CALCRL: variants seen among roughly 807,000 people sequenced by gnomAD.
CALCRL encodes calcitonin gene-related peptide type 1 receptor.
A neutral mutation model predicts 60.4 loss-of-function variants in CALCRL; 27 were observed. The ratio of observed to expected loss-of-function variants is 0.45; its 90% CI spans 0.33 to 0.62. The LOEUF is 0.62. Among genes scored for constraint, CALCRL ranks in the 20% least tolerant of loss-of-function variants. The pLI, the probability that CALCRL is intolerant of heterozygous loss-of-function variation, is 0.03. For missense variants in CALCRL, 424 were observed against 540.7 expected, an observed-to-expected ratio of 0.78 and a Z score of 2.14; for synonymous variants, 190 against 182.6, an observed-to-expected ratio of 1.04 and a Z score of -0.33.
chr2:187,399,469 A>G (rs1470006117), intron 1 of CALCRL, among the ~76,000 whole-genome samples: 1 of 151,544 alleles, frequency 6.6e-6, no homozygotes, highest in Non-Finnish European at 1.5e-5. Flanking sequence ...AGGACATTGA[A>G]AGCAAAAGTG....
chr2:187,367,231 A>C (rs531766378), intron 8 of CALCRL, among the ~76,000 whole-genome samples: 1 of 152,210 alleles, frequency 6.6e-6, no homozygotes, highest in South Asian at 2.1e-4. Flanking sequence ...CAAACCAAAG[A>C]CTGCTGCTTT....
intron 9 of CALCRL, among the ~76,000 whole-genome samples, chr2:187,362,950 G>T (rs1372484470): frequency 1.3e-5 from 2 of 151,892 alleles, no homozygotes; most frequent in Non-Finnish European, 2.9e-5. Context: ...ACTATTTTTC[G>T]AATTACGCAG....
At chr2:187,399,622 T>C (rs375486203) in intron 1 of CALCRL, among the ~76,000 whole-genome samples, 1 of 151,584 alleles carries the variant, frequency 6.6e-6, no homozygotes, top group African/African-American at 2.4e-5. Flanking sequence ...AGCTAGAATA[T>C]ACAAATAAAG....
intron 1 of CALCRL, among the ~76,000 whole-genome samples, chr2:187,395,968 T>TGTATA (rs1688632579): frequency 6.6e-6 from 1 of 151,828 alleles, no homozygotes; most frequent in Non-Finnish European, 1.5e-5. Context: ...CAGTTTTTAC[T>TGTATA]CCTAGTAACC....
chr2:187,353,767 G>T (rs1478883536), intron 12 of CALCRL, among the ~76,000 whole-genome samples: 1 of 151,766 alleles, frequency 6.6e-6, no homozygotes, highest in African/African-American at 2.4e-5. Context: ...AGATAATAAT[G>T]CTCTTTTATC....
At chr2:187,444,704 T>C (rs185419264) in intron 1 of CALCRL, among the ~76,000 whole-genome samples, 3 of 151,660 alleles carry the variant, frequency 2.0e-5, no homozygotes, top group Admixed American at 2.0e-4. Context: ...GATACTATTT[T>C]ATATTTTTGT....
At chr2:187,404,504 ATT>A (rs954080668) in intron 1 of CALCRL, among the ~76,000 whole-genome samples, 8 of 145,378 alleles carry the variant, frequency 5.5e-5, no homozygotes, top group African/African-American at 1.2e-4. Flanking sequence ...ACTTTTATTT[ATT>A]TTTTTTTTTT....
chr2:187,434,159 A>G (rs1045875024), intron 1 of CALCRL, among the ~76,000 whole-genome samples: 5 of 152,124 alleles, frequency 3.3e-5, no homozygotes, highest in Non-Finnish European at 5.9e-5. Context: ...GACATTTTCT[A>G]TCTGTGTTCT....
chr2:187,383,363 T>G (rs1364023029), intron 4 of CALCRL, 58 bp from the exon 5 acceptor site: 6 of 1,451,452 alleles, frequency 4.1e-6, no homozygotes, highest in Non-Finnish European at 5.6e-6. Flanking sequence ...GAAAATGTGT[T>G]TGTCAAAGGC....
At chr2:187,361,843 A>C (rs939282247) in intron 9 of CALCRL, among the ~76,000 whole-genome samples, 1 of 151,936 alleles carries the variant, frequency 6.6e-6, no homozygotes. Context: ...ATGCCTCCTA[A>C]CTAAAGGATA....
intron 8 of CALCRL, among the ~76,000 whole-genome samples, chr2:187,368,126 G>A (rs1236020871): frequency 1.3e-5 from 2 of 151,848 alleles, no homozygotes. Context: ...CTGTAATTTA[G>A]GGCTAACAAT....
chr2:187,405,981 G>T (rs1689106636), intron 1 of CALCRL, among the ~76,000 whole-genome samples: 1 of 151,596 alleles, frequency 6.6e-6, no homozygotes, highest in Admixed American at 6.6e-5. Context: ...GTGTGTGTGT[G>T]TGTGTGTGTG....
chr2:187,366,918 CCCCACACACACA>C lies in CALCRL; in HGVS notation c.501-3428_501-3417del, dbSNP rs1172849765. ...AAAAATGTCATTATTGTGAGTATAACCCCACACACACACACACACACACACACACACACACAC... is the reference window on the plus strand; with the variant it reads ...AAAAATGTCATTATTGTGAGTATAACCACACACACACACACACACACACAC... On this transcript the variant is annotated intron_variant, in intron 8 of 14. Coordinates refer to ENST00000392370, the MANE Select transcript of CALCRL (RefSeq NM_005795.6). 2.2e-3 allele frequency among the ~76,000 whole-genome samples: 184 copies of C among 84,600 alleles called. 1 individual carries two copies. Among genetic ancestry groups the C allele is most frequent in the Admixed American group, 6.9e-3 (60 of 8,718 alleles). The allele number at this position is 84,600 out of a possible 152,430, so 55.5% of individuals were successfully genotyped here.
intron 1 of CALCRL, chr2:187,431,154 C>T (rs1690388056): frequency 6.5e-6 from 1 of 153,770 alleles, no homozygotes; most frequent in African/African-American, 2.4e-5. Flanking sequence ...TTTCAAGGTT[C>T]TCTTTTATTC....
At chr2:187,384,598 A>G (rs1043118123) in intron 4 of CALCRL, among the ~76,000 whole-genome samples, 3 of 152,210 alleles carry the variant, frequency 2.0e-5, no homozygotes, top group Non-Finnish European at 2.9e-5. Context: ...GACTGCTCCT[A>G]GACTTGGAAA....
intron 1 of CALCRL, among the ~76,000 whole-genome samples, chr2:187,446,807 T>C (rs1273920771): frequency 6.6e-6 from 1 of 151,936 alleles, no homozygotes; most frequent in Non-Finnish European, 1.5e-5. Flanking sequence ...ATTTTCATTA[T>C]ATTGAGGAAT....
rs559812988 is a variant in CALCRL, at chr2:187,375,970, G to A, written c.500+2970C>T. ...TTTATCAATAAGAAATACAGTTTAT[G>A]TGTGTAGACTGCTTTAAGCTTGCCA... On this transcript the variant is annotated intron_variant, in intron 8 of 14. Transcript: ENST00000392370. 2.6e-5 allele frequency among the ~76,000 whole-genome samples: 4 copies of A among 152,254 alleles called. No homozygotes were observed. The South Asian group carries it at 8.3e-4, about 32-fold the overall frequency.
chr2:187,361,409 A>G (rs1687050560), intron 9 of CALCRL, among the ~76,000 whole-genome samples: 1 of 152,016 alleles, frequency 6.6e-6, no homozygotes, highest in Admixed American at 6.6e-5. Flanking sequence ...CAAAAGAGTA[A>G]GAGTGAGTTT....
intron 12 of CALCRL, among the ~76,000 whole-genome samples, chr2:187,353,655 T>C (rs935619783): frequency 6.6e-6 from 1 of 151,964 alleles, no homozygotes; most frequent in African/African-American, 2.4e-5. Flanking sequence ...AATAAGCCAT[T>C]TCAACAGGTG....
Sources: allele counts gnomAD v4.1 joint callset (sites outside exome capture counted in the v4.1 genomes callset), GRCh38; gene constraint gnomAD v4.1.1; transcripts MANE v1.5; gene names NCBI Gene and HGNC (gene_info 2026-07-23, HGNC 2026-07-21).